The following ARHGEF28 variants were observed in gnomAD, a reference collection of about 807,000 sequenced individuals.
The protein encoded by ARHGEF28 is 190 kDa guanine nucleotide exchange factor.
ARHGEF28 carries 152 observed loss-of-function variants against 206.6 expected under a neutral mutation model. The observed-to-expected ratio is 0.74, with a 90% CI of 0.64 to 0.84. The LOEUF (loss-of-function observed/expected upper bound fraction) is 0.84, where lower values mean the gene tolerates loss of function less well. Ranked by LOEUF, ARHGEF28 falls within the 40% of genes least tolerant of loss-of-function variation. The pLI, the probability that ARHGEF28 is intolerant of heterozygous loss-of-function variation, is 0.00. For synonymous variants in ARHGEF28, 763 were observed against 776.4 expected (o/e 0.98, Z 0.29); for missense variants, 2,028 against 2,073.2 (o/e 0.98, Z 0.42).
rs948935060 is a variant in ARHGEF28, at chr5:73,845,531, T to TC, written c.1428-730dup. ...CTTCTGCAGCTTAGTCACATGCAAA[T>TC]CCCCCCCAGAAGCTTCCCTGCAAAC... On this transcript the variant is annotated intron_variant, in intron 11 of 35. Transcript: ENST00000513042. Among the ~76,000 whole-genome samples the TC allele has an allele frequency of 9.9e-4, 150 of 151,826 alleles. 1 individual carries two copies. The highest frequency in any genetic ancestry group is 3.4e-3 in the African/African-American group (141 of 41,382).
chr5:73,855,731 TCA>T (rs1491394174), intron 14 of ARHGEF28, among the ~76,000 whole-genome samples: 1 of 144,260 alleles, frequency 6.9e-6, no homozygotes, highest in African/African-American at 2.6e-5. Context: ...AAACTCCATC[TCA>T]AAAAAAAAAA....
At chr5:73,897,395 T>A (rs951098708) in intron 29 of ARHGEF28, among the ~76,000 whole-genome samples, 3 of 152,262 alleles carry the variant, frequency 2.0e-5, no homozygotes, top group Admixed American at 2.0e-4. Context: ...AAAATACAGA[T>A]CCTGTTTTCT....
chr5:73,780,779 C>T (rs972678395), intron 7 of ARHGEF28, 34 bp downstream of exon 7: 43 of 1,548,300 alleles, frequency 2.8e-5, no homozygotes, highest in Middle Eastern at 1.8e-4. Flanking sequence ...ATGGCAGCCA[C>T]AGAGTGCTCT....
intron 2 of ARHGEF28, 112 bp from the exon 3 acceptor site, chr5:73,749,725 C>A (rs1751925001): frequency 8.5e-7 from 1 of 1,180,762 alleles, no homozygotes. Context: ...AACTCAACCA[C>A]ATGAAGTGAA....
intron 1 of ARHGEF28, among the ~76,000 whole-genome samples, chr5:73,652,364 TAGGATTTAGCTATTCATAGAG>T (rs1322952642): frequency 6.6e-6 from 1 of 152,146 alleles, no homozygotes; most frequent in Non-Finnish European, 1.5e-5. Flanking sequence ...AGGCAGGTTT[TAGGATTTAGCTATTCATAGAG>T]AGAGAGGGTC....
At chr5:73,700,454 A>G (rs1191437616) in intron 2 of ARHGEF28, among the ~76,000 whole-genome samples, 3 of 152,188 alleles carry the variant, frequency 2.0e-5, no homozygotes, top group Non-Finnish European at 4.4e-5. Flanking sequence ...AGCAGGAATC[A>G]CAGATTTTTT....
At chr5:73,752,386 TA>T (rs991556104) in intron 3 of ARHGEF28, among the ~76,000 whole-genome samples, 44 of 152,118 alleles carry the variant, frequency 2.9e-4, no homozygotes, top group African/African-American at 1.0e-3. Flanking sequence ...TATGTATATA[TA>T]TATTTTCCCT....
intron 7 of ARHGEF28, among the ~76,000 whole-genome samples, chr5:73,783,964 T>G (rs1040805385): frequency 6.6e-6 from 1 of 152,156 alleles, no homozygotes; most frequent in Non-Finnish European, 1.5e-5. Flanking sequence ...AATGCTTTTG[T>G]ATTTGTCTAC....
intron 12 of ARHGEF28, among the ~76,000 whole-genome samples, chr5:73,848,068 A>C (rs1206879393): frequency 6.6e-5 from 10 of 152,202 alleles, no homozygotes; most frequent in Non-Finnish European, 1.0e-4. Context: ...AATTTTAGTA[A>C]AGAGTTTTGC....
Position 73,638,455 on chromosome 5 carries a change from T to C in ARHGEF28, c.-12+12133T>C, listed in dbSNP as rs553255867. ...TGTTCTTGATATGTCAATAGCAAAT[T>C]GATTCTAATGTTTCAATTGTTTGAG... On this transcript the variant is annotated intron_variant, in intron 1 of 35. Transcript: ENST00000513042. 7.2e-5 allele frequency among the ~76,000 whole-genome samples: 11 copies of C among 152,342 alleles called. No homozygotes were observed. The East Asian group carries it at 2.1e-3, about 29-fold the overall frequency.
chr5:73,762,455 C>CAAAAAA (rs35028103), intron 4 of ARHGEF28, among the ~76,000 whole-genome samples: 12 of 66,808 alleles, frequency 1.8e-4, no homozygotes, highest in African/African-American at 2.2e-4. Flanking sequence ...GACTCCCTCT[C>CAAAAAA]AAAAAAAAAA....
chr5:73,753,554 G>T (rs1442612794), intron 4 of ARHGEF28, among the ~76,000 whole-genome samples: 1 of 152,208 alleles, frequency 6.6e-6, no homozygotes, highest in Non-Finnish European at 1.5e-5. Flanking sequence ...AAATAGGTAG[G>T]CTCACTGGAC....
At position 73,936,279 on chromosome 5, in the gene ARHGEF28, A is replaced by T. The variant is rs1039053096; in HGVS notation, c.4949-4565A>T. Among the ~76,000 whole-genome samples, 3 of 152,200 alleles carry T rather than the reference A, an allele frequency of 2.0e-5. No homozygotes were observed. The South Asian group carries it at 6.2e-4, about 32-fold the overall frequency. On this transcript the variant is annotated intron_variant, in intron 35 of 35. Coordinates refer to ENST00000513042, the MANE Select transcript of ARHGEF28 (RefSeq NM_001177693.2). Reference sequence around the variant, plus strand: ...TTATGGACAATGTCTTCTGCTCATTAGTTAACTTTGCAAATACTATCTTTT... The same window carrying T: ...TTATGGACAATGTCTTCTGCTCATTTGTTAACTTTGCAAATACTATCTTTT...
chr5:73,882,845 A>C (rs1379672269), intron 23 of ARHGEF28, among the ~76,000 whole-genome samples: 2 of 152,170 alleles, frequency 1.3e-5, no homozygotes, highest in Non-Finnish European at 2.9e-5. Flanking sequence ...TTTGTAACAT[A>C]CTGGGAAGCT....
At chr5:73,828,860 G>C (rs1293386298) in intron 9 of ARHGEF28, among the ~76,000 whole-genome samples, 1 of 147,636 alleles carries the variant, frequency 6.8e-6, no homozygotes, top group Non-Finnish European at 1.5e-5. Context: ...TTATTCTGTC[G>C]TCCAGGCTGG....
In ARHGEF28 at chr5:73,776,507, T is replaced by C. The variant is rs755499324; in HGVS notation, c.660-9T>C. 5.6e-6 allele frequency: 9 copies of C among 1,607,782 alleles called. No homozygotes were observed. The highest frequency in any genetic ancestry group is 6.8e-6 in the Non-Finnish European group (8 of 1,176,054). On this transcript the variant is annotated splice_polypyrimidine_tract_variant and intron_variant, in intron 5 of 35. Transcript: ENST00000513042. ...AGCTCTGTGTGGGTTTTGATTTGTG[T>C]TGTTTCAGTTTTCAGGGCAGATGGT...
chr5:73,872,193 G>C (rs1339681095), intron 21 of ARHGEF28, among the ~76,000 whole-genome samples: 1 of 152,158 alleles, frequency 6.6e-6, no homozygotes, highest in African/African-American at 2.4e-5. Flanking sequence ...TATGTGTGAA[G>C]TGATGTGTCA....
intron 1 of ARHGEF28, among the ~76,000 whole-genome samples, chr5:73,665,951 C>G (rs1260763598): frequency 6.6e-6 from 1 of 152,158 alleles, no homozygotes; most frequent in East Asian, 1.9e-4. Context: ...ATTCCAGCAT[C>G]AACTCAAAAG....
In ARHGEF28 at chr5:73,858,227, C is replaced by T. The variant is rs138714697; in HGVS notation, c.2047+8C>T. The T allele has an allele frequency of 2.2e-5, 34 of 1,575,154 alleles. No homozygotes were observed. The East Asian group carries it at 4.1e-4, about 19-fold the overall frequency. ...AGTCACTGCAGTGTTCTAGTAAGTT[C>T]TCAGGTCTATGTGCGCTGTCTTTGT... On this transcript the variant is annotated splice_region_variant and intron_variant, in intron 16 of 35. Coordinates refer to ENST00000513042, the MANE Select transcript of ARHGEF28 (RefSeq NM_001177693.2).
Sources: gnomAD v4.1 joint callset for allele counts (sites outside exome capture counted in the v4.1 genomes callset) on GRCh38, gnomAD v4.1.1 for gene constraint, MANE v1.5 for transcripts, NCBI Gene and HGNC (gene_info 2026-07-23, HGNC 2026-07-21) for gene names.